Variants in GALNT9 observed in about 807,000 individuals in gnomAD.
GALNT9 encodes the protein GalNAc transferase 9.
In GALNT9, 47 loss-of-function variants were observed where a neutral mutation model predicts 63.1. The ratio of observed to expected loss-of-function variants is 0.75; its 90% CI spans 0.59 to 0.95. GALNT9 has a LOEUF of 0.95. Among genes scored for constraint, GALNT9 ranks in the 40% least tolerant of loss-of-function variants. The probability of loss-of-function intolerance (pLI) is 0.00; values close to 1 mark genes in which losing one functional copy is unlikely to be tolerated. For missense variants in GALNT9, 829 were observed against 874.8 expected (o/e 0.95, Z 0.66); for synonymous variants, 396 against 365.7 (o/e 1.08, Z -0.94).
chr12:132,286,571 C>A lies in GALNT9; in HGVS notation c.239-141G>T. The A allele has an allele frequency of 7.5e-7, 1 of 1,334,160 alleles. No individual in the cohort carries two copies. Among genetic ancestry groups the A allele is most frequent in the South Asian group, 1.5e-5 (1 of 65,062 alleles). 82.6% of individuals were successfully genotyped at this position (1,334,160 alleles called of 1,614,324 possible). A position where few individuals can be genotyped will look rare whatever the true frequency, so the allele number is the denominator to read the frequency against. ...CAAACTCCCTGCAGATGGCAGGCTG[C>A]CAGCTCAGGACATTCCAGAAAGTGC... On this transcript the variant is annotated intron_variant, in intron 1 of 10. Transcript: ENST00000328957. This position sits in a 1 kb window ranked among gnomAD's most constrained non-coding sequence, Gnocchi z 7.4.
Position 132,201,040 on chromosome 12 carries a change from C to T in GALNT9, c.1401+84G>A, listed in dbSNP as rs553962102. 12 of 1,319,088 alleles carry T rather than the reference C, an allele frequency of 9.1e-6. No homozygotes were observed. In the African/African-American group the frequency reaches 1.7e-4, roughly 19 times the overall value. 81.7% of individuals were successfully genotyped at this position (1,319,088 alleles called of 1,614,324 possible). A position where few individuals can be genotyped will look rare whatever the true frequency, so the allele number is the denominator to read the frequency against. On this transcript the variant is annotated intron_variant, in intron 8 of 10. Coordinates refer to ENST00000328957, the MANE Select transcript of GALNT9 (RefSeq NM_001122636.2). Reference sequence around the variant, plus strand: ...CCTCTCCGTGTGCATGTGGATGTGCCTGCATCACCCTGAATGCATACGTGT... The same window carrying T: ...CCTCTCCGTGTGCATGTGGATGTGCTTGCATCACCCTGAATGCATACGTGT...
At chr12:132,201,824 G>C (rs1171708598) in intron 7 of GALNT9, among the ~76,000 whole-genome samples, 1 of 152,216 alleles carries the variant, frequency 6.6e-6, no homozygotes, top group East Asian at 1.9e-4. Flanking sequence ...TCTTCCCTCT[G>C]CTGACTTTGA....
intron 2 of GALNT9, among the ~76,000 whole-genome samples, chr12:132,268,925 G>A (rs577991241): frequency 6.6e-6 from 1 of 152,252 alleles, no homozygotes; most frequent in Non-Finnish European, 1.5e-5. Flanking sequence ...CACGTGTGGC[G>A]GGTGGGGACG....
chr12:132,257,784 C>A lies in GALNT9; in HGVS notation c.864G>T (p.Ala288=), dbSNP rs782432925. 6.5e-7 allele frequency: 1 copy of A among 1,550,338 alleles called. No homozygotes were observed. Among genetic ancestry groups the A allele is most frequent in the African/African-American group, 1.4e-5 (1 of 73,040 alleles). Residue 288 remains alanine (A), a synonymous_variant, in exon 5 of 11, where the codon GCG becomes GCT. Transcript: ENST00000328957. ...KYSTFEVQQY[A]NAAHGYNWGL... ...CCCAGTTGTAGCCATGGGCGGCGTT[C>A]GCATACTGCTGCACCTCAAACGTGC...
At chr12:132,302,031 T>C (rs1326345495) in intron 1 of GALNT9, among the ~76,000 whole-genome samples, 2 of 152,172 alleles carry the variant, frequency 1.3e-5, no homozygotes, top group African/African-American at 2.4e-5. Flanking sequence ...ATTAATTACA[T>C]ATTTAGGATT....
In GALNT9 at chr12:132,236,322, C is replaced by T. The variant is rs2136894611; in HGVS notation, c.1077+11588G>A. Among the ~76,000 whole-genome samples the T allele has an allele frequency of 2.1e-4, 32 of 151,442 alleles. No individual in the cohort carries two copies. The highest frequency in any genetic ancestry group is 4.0e-4 in the Non-Finnish European group (27 of 67,822). On this transcript the variant is annotated intron_variant, in intron 6 of 10. Coordinates refer to ENST00000328957, the MANE Select transcript of GALNT9 (RefSeq NM_001122636.2). This position sits in a 1 kb window ranked among gnomAD's most constrained non-coding sequence, Gnocchi z 5.6. Reference sequence around the variant, plus strand: ...AGTGGGGGTCGCGGTGGGCCTGGGTCGGGGCCAAGGGAGCCACATCCAGTG... The same window carrying T: ...AGTGGGGGTCGCGGTGGGCCTGGGTTGGGGCCAAGGGAGCCACATCCAGTG...
chr12:132,307,594 G>C (rs1249529364), intron 1 of GALNT9, among the ~76,000 whole-genome samples: 1 of 151,906 alleles, frequency 6.6e-6, no homozygotes, highest in African/African-American at 2.4e-5. Flanking sequence ...AGCACTGTGG[G>C]AGGCCAAGGC....
rs56208532 is a variant in GALNT9, at chr12:132,305,639, G to A, written c.239-19209C>T. On this transcript the variant is annotated intron_variant, in intron 1 of 10. Transcript: ENST00000328957. ...CCCTCACCCGGGCACACCCTCACCC[G>A]GACACGCCCTCGCCCGGGCACAGCC... is the stretch of plus-strand genomic sequence containing the variant. 6.0e-3 allele frequency among the ~76,000 whole-genome samples: 860 copies of A among 143,120 alleles called. 19 individuals are homozygous for A. The highest frequency in any genetic ancestry group is 0.021 in the African/African-American group (799 of 38,946). 93.9% of individuals were successfully genotyped at this position (143,120 alleles called of 152,430 possible).
Position 132,265,439 on chromosome 12 carries a change from C to T in GALNT9, c.420-2814G>A. Among the ~76,000 whole-genome samples, 1 of 152,172 alleles carries T rather than the reference C, an allele frequency of 6.6e-6. No individual in the cohort carries two copies. The highest frequency in any genetic ancestry group is 1.9e-4 in the East Asian group (1 of 5,186). ...TGGCCCGGGTTTAATCTCAGAAGGG[C>T]CTGTCCTCATGTGACTTATTGCAAC... On this transcript the variant is annotated intron_variant, in intron 2 of 10. Coordinates refer to ENST00000328957, the MANE Select transcript of GALNT9 (RefSeq NM_001122636.2). The surrounding 1 kb of genome is among the most constrained non-coding windows in gnomAD (Gnocchi z 5.3).
chr12:132,285,401 A>G (rs1178195997), intron 2 of GALNT9, among the ~76,000 whole-genome samples: 1 of 152,198 alleles, frequency 6.6e-6, no homozygotes, highest in Non-Finnish European at 1.5e-5. Context: ...GCCAAACTTT[A>G]TCCGAGCAAC....
chr12:132,276,947 C>A (rs1880119544), intron 2 of GALNT9, among the ~76,000 whole-genome samples: 1 of 152,154 alleles, frequency 6.6e-6, no homozygotes, highest in Non-Finnish European at 1.5e-5. Flanking sequence ...TGTGGACACA[C>A]ACACACATGT....
At chr12:132,288,170 G>A (rs1300126073) in intron 1 of GALNT9, among the ~76,000 whole-genome samples, 2 of 152,304 alleles carry the variant, frequency 1.3e-5, no homozygotes, top group South Asian at 2.1e-4. Context: ...GGGAGGGACC[G>A]ATGCCCTGGG....
chr12:132,228,538 C>T (rs921561922), intron 6 of GALNT9, among the ~76,000 whole-genome samples: 7 of 151,370 alleles, frequency 4.6e-5, no homozygotes, highest in East Asian at 1.9e-4. Context: ...TTGCCTCTGG[C>T]GAGACAGGGC....
At chr12:132,210,339 G>A (rs984437659) in intron 6 of GALNT9, among the ~76,000 whole-genome samples, 9 of 152,204 alleles carry the variant, frequency 5.9e-5, no homozygotes, top group African/African-American at 1.4e-4. Flanking sequence ...CCGTGAAGTC[G>A]GACCTGTTCT....
intron 7 of GALNT9, among the ~76,000 whole-genome samples, chr12:132,202,041 CGTCACCTTCTGGTATGTGGGCCTGGGACA>C (rs1876180814): frequency 6.6e-6 from 1 of 152,222 alleles, no homozygotes; most frequent in Non-Finnish European, 1.5e-5. Context: ...GCTTGAATCC[CGTCACCTTCTGGTATGTGGGCCTGGGACA>C]GTCCCCTATC....
intron 1 of GALNT9, among the ~76,000 whole-genome samples, chr12:132,313,857 TCCAC>T (rs1881919730): frequency 1.3e-5 from 1 of 77,518 alleles, no homozygotes; most frequent in East Asian, 4.4e-4. Context: ...TATCTACCCA[TCCAC>T]CCACCCACCC....
At position 132,282,423 on chromosome 12, in the gene GALNT9, G is replaced by GTGTGTGCGTGTGTGTGCC. The variant is rs1491263861; in HGVS notation, c.419+3826_419+3827insGGCACACACACGCACACA. Among the ~76,000 whole-genome samples, 2 of 152,068 alleles carry GTGTGTGCGTGTGTGTGCC rather than the reference G, an allele frequency of 1.3e-5. No homozygotes were observed. The highest frequency in any genetic ancestry group is 1.5e-5 in the Non-Finnish European group (1 of 67,978). On this transcript the variant is annotated intron_variant, in intron 2 of 10. Transcript: ENST00000328957. The surrounding 1 kb of genome is among the most constrained non-coding windows in gnomAD (Gnocchi z 4.5). ...TGTGCGCGTGTGTGCGTGTGTGTGC[G>GTGTGTGCGTGTGTGTGCC]TGTGTGCGTGCATGCGTGTGTGTGC...
chr12:132,225,726 C>T (rs1877646278), intron 6 of GALNT9, among the ~76,000 whole-genome samples: 1 of 147,088 alleles, frequency 6.8e-6, no homozygotes. Context: ...ACCCCATACA[C>T]ACAACACTGT....
intron 2 of GALNT9, chr12:132,278,586 G>A (rs962479686): frequency 6.6e-6 from 1 of 152,270 alleles, no homozygotes. Context: ...GGCCCTCCCC[G>A]GGGCTGGGGC....
Sources: allele counts gnomAD v4.1 joint callset (sites outside exome capture counted in the v4.1 genomes callset), GRCh38; gene constraint gnomAD v4.1.1; non-coding constraint Gnocchi (gnomAD v3.1); transcripts MANE v1.5; gene names NCBI Gene and HGNC (gene_info 2026-07-23, HGNC 2026-07-21).